CTNNA3: variants seen among roughly 807,000 people sequenced by gnomAD.
The protein encoded by CTNNA3 is catenin alpha 3.
A neutral mutation model predicts 95.7 loss-of-function variants in CTNNA3; 76 were observed. That is an observed-to-expected ratio of 0.79 (90% confidence interval 0.66 to 0.96). CTNNA3 has a LOEUF of 0.96. CTNNA3 is among the 40% of genes least tolerant of loss of function. The pLI, the probability that CTNNA3 is intolerant of heterozygous loss-of-function variation, is 0.00. For synonymous variants in CTNNA3, 431 were observed against 374.4 expected, an observed-to-expected ratio of 1.15 and a Z score of -1.74; for missense variants, 1,191 against 1,089.8, an observed-to-expected ratio of 1.09 and a Z score of -1.31.
chr10:67,686,158 T>C (rs1199937259), intron 1 of CTNNA3, among the ~76,000 whole-genome samples: 2 of 152,360 alleles, frequency 1.3e-5, no homozygotes, highest in Non-Finnish European at 2.9e-5. Flanking sequence ...TAGGATTAGA[T>C]AAGCATACTT....
intron 5 of CTNNA3, among the ~76,000 whole-genome samples, chr10:67,472,677 T>C (rs987678087): frequency 1.3e-5 from 2 of 152,158 alleles, no homozygotes; most frequent in Admixed American, 6.5e-5. Context: ...ACCACAATTA[T>C]AACCAATGAC....
intron 15 of CTNNA3, among the ~76,000 whole-genome samples, chr10:66,006,074 A>G (rs955297124): frequency 7.1e-6 from 1 of 141,398 alleles, no homozygotes; most frequent in African/African-American, 2.7e-5. Flanking sequence ...GAGCAGTGGC[A>G]CGATCTCGGC....
intron 5 of CTNNA3, among the ~76,000 whole-genome samples, chr10:67,305,225 G>A (rs932572037): frequency 9.2e-5 from 14 of 152,228 alleles, no homozygotes; most frequent in Middle Eastern, 3.4e-3. Context: ...GCAGTGAGCC[G>A]AGATCGCGCC....
chr10:66,748,386 G>C (rs1838974678), intron 9 of CTNNA3, among the ~76,000 whole-genome samples: 1 of 152,076 alleles, frequency 6.6e-6, no homozygotes, highest in African/African-American at 2.4e-5. Flanking sequence ...TTTGAAATCA[G>C]ATAAATCTGC....
intron 7 of CTNNA3, among the ~76,000 whole-genome samples, chr10:66,787,752 T>G (rs1006429610): frequency 1.3e-5 from 2 of 152,242 alleles, no homozygotes; most frequent in African/African-American, 4.8e-5. Context: ...ATCATTCTGG[T>G]TACAGGACTT....
intron 5 of CTNNA3, among the ~76,000 whole-genome samples, chr10:67,507,644 C>A (rs1242218715): frequency 6.6e-6 from 1 of 151,890 alleles, no homozygotes; most frequent in Non-Finnish European, 1.5e-5. Context: ...CTGAATTCAA[C>A]TAAAATTTAA....
At chr10:66,749,837 A>G (rs1258729739) in intron 9 of CTNNA3, among the ~76,000 whole-genome samples, 1 of 152,190 alleles carries the variant, frequency 6.6e-6, no homozygotes, top group Non-Finnish European at 1.5e-5. Context: ...CCCACCAGCA[A>G]TGAATGACAA....
chr10:65,913,728 C>A lies in CTNNA3; in HGVS notation c.*6602G>T, dbSNP rs1463259605. 1 of 152,102 alleles carries A rather than the reference C, an allele frequency of 6.6e-6. No homozygotes were observed. The highest frequency in any genetic ancestry group is 1.5e-5 in the Non-Finnish European group (1 of 67,994). 9.4% of individuals were successfully genotyped at this position (152,102 alleles called of 1,614,324 possible). ...TTTAACTGAGAGCAGGGGCTAGCAT[C>A]TCTGACTTACTCCTTTGCTTTACTA... On this transcript the variant is annotated 3_prime_UTR_variant, in exon 18 of 18. Transcript: ENST00000433211.
chr10:66,301,184 T>C (rs2091858331), intron 12 of CTNNA3, among the ~76,000 whole-genome samples: 1 of 152,026 alleles, frequency 6.6e-6, no homozygotes, highest in Non-Finnish European at 1.5e-5. Flanking sequence ...CAATAATTAA[T>C]AAACTTCCAA....
At chr10:67,382,221 C>T (rs1289233525) in intron 5 of CTNNA3, among the ~76,000 whole-genome samples, 6 of 152,108 alleles carry the variant, frequency 3.9e-5, no homozygotes, top group African/African-American at 1.2e-4. Context: ...CTACTAAGAA[C>T]AGTGCAATAA....
chr10:67,044,512 G>T (rs927106364), intron 7 of CTNNA3, among the ~76,000 whole-genome samples: 24 of 152,106 alleles, frequency 1.6e-4, no homozygotes, highest in Admixed American at 6.6e-4. Flanking sequence ...GATGCTATCT[G>T]GAAAGTTTCC....
At chr10:67,019,924 C>T (rs1310580624) in intron 7 of CTNNA3, among the ~76,000 whole-genome samples, 1 of 152,164 alleles carries the variant, frequency 6.6e-6, no homozygotes, top group Non-Finnish European at 1.5e-5. Context: ...AGATTAAATG[C>T]ATTTATGAAA....
rs1040191339 is a variant in CTNNA3, at chr10:67,555,802, G to A, written c.293-16133C>T. On this transcript the variant is annotated intron_variant, in intron 3 of 17. Transcript: ENST00000433211. ...ACTTCCAACACTATGTTGAAAAGGAGTGGTGAGAGAGGGCATCCCTGTCTT... is the reference window on the plus strand; with the variant it reads ...ACTTCCAACACTATGTTGAAAAGGAATGGTGAGAGAGGGCATCCCTGTCTT... Among the ~76,000 whole-genome samples the A allele has an allele frequency of 3.3e-5, 5 of 152,286 alleles. No individual in the cohort carries two copies. In the East Asian group the frequency reaches 7.7e-4, roughly 23 times the overall value.
At position 66,451,388 on chromosome 10, in the gene CTNNA3, T is replaced by C. The variant is rs74335972; in HGVS notation, c.1531+69229A>G. Among the ~76,000 whole-genome samples the C allele has an allele frequency of 0.018, 2,757 of 152,116 alleles. 195 individuals are homozygous for C. The East Asian group carries it at 0.24, about 13-fold the overall frequency. On this transcript the variant is annotated intron_variant, in intron 11 of 17. Coordinates refer to ENST00000433211, the MANE Select transcript of CTNNA3 (RefSeq NM_013266.4). ...GATAAGGAGAGCTGGGATACAGAGA[T>C]TGAGACAGACAAATGAATATAACAC...
chr10:66,409,442 C>T (rs2093084112), intron 11 of CTNNA3, among the ~76,000 whole-genome samples: 2 of 151,902 alleles, frequency 1.3e-5, no homozygotes, highest in East Asian at 1.9e-4. Context: ...TAGAGATGAA[C>T]TTGGGAATCT....
At chr10:66,605,353 C>T (rs1460018267) in intron 10 of CTNNA3, among the ~76,000 whole-genome samples, 2 of 151,988 alleles carry the variant, frequency 1.3e-5, no homozygotes, top group Non-Finnish European at 2.9e-5. Context: ...CTGAAAGAGA[C>T]AGAAAGAGTA....
intron 1 of CTNNA3, among the ~76,000 whole-genome samples, chr10:67,659,823 C>T (rs575513826): frequency 5.2e-4 from 79 of 152,174 alleles, no homozygotes; most frequent in African/African-American, 1.9e-3. Context: ...TATATGAATT[C>T]TCGTAAGGTC....
At chr10:66,115,682 G>T (rs185408911) in intron 13 of CTNNA3, among the ~76,000 whole-genome samples, 236 of 152,152 alleles carry the variant, frequency 1.6e-3, no homozygotes, top group African/African-American at 5.5e-3. Flanking sequence ...TCGTTAAGCT[G>T]CCAGGTATAG....
chr10:66,978,917 G>A (rs906516491), intron 7 of CTNNA3, among the ~76,000 whole-genome samples: 3 of 148,018 alleles, frequency 2.0e-5, no homozygotes, highest in African/African-American at 7.5e-5. Context: ...CTTGACTAGC[G>A]ACAAGTCCCT....
Sources: gnomAD v4.1 joint callset for allele counts (sites outside exome capture counted in the v4.1 genomes callset) on GRCh38, gnomAD v4.1.1 for gene constraint, MANE v1.5 for transcripts, NCBI Gene and HGNC (gene_info 2026-07-23, HGNC 2026-07-21) for gene names.